The following STK36 variants were observed in gnomAD, a reference collection of about 807,000 sequenced individuals.
STK36 encodes the protein serine/threonine-protein kinase 36.
STK36 carries 116 observed loss-of-function variants against 142.2 expected under a neutral mutation model. The ratio of observed to expected loss-of-function variants is 0.82; its 90% confidence interval spans 0.70 to 0.95. The LOEUF (loss-of-function observed/expected upper bound fraction) is 0.95. Among genes scored for constraint, STK36 ranks in the 40% least tolerant of loss-of-function variants. The pLI, the probability that STK36 is intolerant of heterozygous loss-of-function variation, is 0.00. For synonymous variants in STK36, 619 were observed against 641.7 expected, an observed-to-expected ratio of 0.96 and a Z score of 0.53; for missense variants, 1,422 against 1,617.2, an observed-to-expected ratio of 0.88 and a Z score of 2.07.
intron 7 of STK36, 96 bp downstream of exon 7, chr2:218,679,357 G>A (rs1284021432): frequency 1.8e-5 from 25 of 1,362,050 alleles, no homozygotes; most frequent in Middle Eastern, 2.3e-4. Context: ...ATAACATGTC[G>A]TCTTTCCTCC....
chr2:218,697,050 T>C lies in STK36; in HGVS notation c.2598T>C (p.Ala866=), dbSNP rs1394508714. 7 of 1,614,024 alleles carry C rather than the reference T, an allele frequency of 4.3e-6. No individual in the cohort carries two copies. Among genetic ancestry groups the C allele is most frequent in the Middle Eastern group, 1.6e-4 (1 of 6,062 alleles). The part of the protein sequence containing the change: ...LLQLLTEQGK[A]SLIRDMSSSE... Reference sequence around the variant, plus strand: ...ACTTTTATCTCTAGCAGGGGAAGGCTAGCCTAATCAGGGATATGTCCAGTT... The same window carrying C: ...ACTTTTATCTCTAGCAGGGGAAGGCCAGCCTAATCAGGGATATGTCCAGTT... The change falls in exon 23 of 27, where the codon GCT becomes GCC. Residue 866 remains alanine (A), a synonymous_variant. Coordinates refer to ENST00000295709, the MANE Select transcript of STK36 (RefSeq NM_015690.5).
rs1575135780 is a variant in STK36 at position 218,690,395 on chromosome 2, C to T, written c.1659-55C>T. 5.5e-6 allele frequency: 8 copies of T among 1,455,440 alleles called. No individual in the cohort carries two copies. The East Asian group carries it at 1.8e-4, about 33-fold the overall frequency. 90.2% of individuals were successfully genotyped at this position (1,455,440 alleles called of 1,614,324 possible). On this transcript the variant is annotated intron_variant, in intron 13 of 26. Coordinates refer to ENST00000295709, the MANE Select transcript of STK36 (RefSeq NM_015690.5). ...CTGCCCAGGACTGACCCATTCACCA[C>T]ATCCAGGCTTTTAGTAGAGAGATAA...
chr2:218,694,042 CAA>C lies in STK36; in HGVS notation c.2336+61_2336+62del. The C allele has an allele frequency of 6.6e-7, 1 of 1,522,068 alleles. No individual in the cohort carries two copies. Among genetic ancestry groups the C allele is most frequent in the Non-Finnish European group, 9.1e-7 (1 of 1,096,670 alleles). The allele number at this position is 1,522,068 out of a possible 1,614,324, so 94.3% of individuals were successfully genotyped here. A position where few individuals can be genotyped will look rare whatever the true frequency, so the allele number is the denominator to read the frequency against. ...CTTCTAGCCACATAGCTAACCCTCA[CAA>C]AGAGTATGGGGAATGGTACCCTACA... On this transcript the variant is annotated intron_variant, in intron 19 of 26. Transcript: ENST00000295709. The surrounding 1 kb of genome is among the most constrained non-coding windows in gnomAD (Gnocchi z 4.4).
chr2:218,687,340 G>C lies in STK36; in HGVS notation c.1381-1357G>C, dbSNP rs149044939. On this transcript the variant is annotated intron_variant, in intron 11 of 26. Coordinates refer to ENST00000295709, the MANE Select transcript of STK36 (RefSeq NM_015690.5). ...TATAAGAAATCTTTTCCAAATGCAA[G>C]GTCTTAAAGATTTTCTCTTTTCCTA... 2.5e-3 allele frequency among the ~76,000 whole-genome samples: 385 copies of C among 152,270 alleles called. 2 individuals are homozygous for C. The highest frequency in any genetic ancestry group is 8.7e-3 in the African/African-American group (362 of 41,550).
chr2:218,692,394 T>C, intron 15 of STK36, 101 bp downstream of exon 15: 7 of 1,528,102 alleles, frequency 4.6e-6, no homozygotes, highest in Non-Finnish European at 6.2e-6. Flanking sequence ...TGGCATTTAG[T>C]AGGTGCTCAA....
chr2:218,675,867 A>G (rs1940218505), intron 5 of STK36, among the ~76,000 whole-genome samples, 162 bp from the exon 6 acceptor site: 2 of 152,036 alleles, frequency 1.3e-5, no homozygotes, highest in South Asian at 4.1e-4. Context: ...TTTGGGCCTC[A>G]TTTTAGAACC....
chr2:218,693,029 C>A (rs1941075397), intron 16 of STK36, among the ~76,000 whole-genome samples: 1 of 152,200 alleles, frequency 6.6e-6, no homozygotes, highest in Admixed American at 6.5e-5. Context: ...ATCCTTTCCT[C>A]TGTACCTGGC....
chr2:218,699,206 C>T lies in STK36; in HGVS notation c.3662C>T (p.Pro1221Leu), dbSNP rs1397792182. ...NVASALGNLG[P>L]EGLGEELLQC... ...GCATCAGCTCTGGGCAACTTGGGAC[C>T]TGAAGGTTTGGGAGAGGAGCTGTTA... is the stretch of plus-strand genomic sequence containing the variant. The change falls in exon 26 of 27, where the codon CCT (proline) becomes CTT (leucine). Residue 1221 changes from proline to leucine, a missense_variant. Coordinates refer to ENST00000295709, the MANE Select transcript of STK36 (RefSeq NM_015690.5). The T allele has an allele frequency of 3.7e-6, 6 of 1,614,006 alleles. No homozygotes were observed. Among genetic ancestry groups the T allele is most frequent in the Non-Finnish European group, 5.1e-6 (6 of 1,180,022 alleles).
chr2:218,680,752 G>A (rs774345550), intron 10 of STK36, 50 bp downstream of exon 10: 11 of 1,518,924 alleles, frequency 7.2e-6, no homozygotes, highest in Non-Finnish European at 9.0e-6. Flanking sequence ...GGGATGTTAA[G>A]TCTAGGTAGA....
Position 218,680,618 on chromosome 2 carries a change from C to T in STK36, c.1152C>T (p.Thr384=). The T allele has an allele frequency of 1.2e-6, 2 of 1,613,358 alleles. No individual in the cohort carries two copies. Among genetic ancestry groups the T allele is most frequent in the Non-Finnish European group, 1.7e-6 (2 of 1,179,806 alleles). The change falls in exon 10 of 27, where the codon ACC becomes ACT. Residue 384 remains threonine (T), a synonymous_variant. Transcript: ENST00000295709. The part of the protein sequence containing the change: ...VPSAPRENRT[T]PDCERAFPEE... ...CCTCCGGCAGGGAAAACCGGACCAC[C>T]CCAGATTGTGAACGAGCATTCCCAG...
chr2:218,699,493 T>A, intron 26 of STK36, 145 bp downstream of exon 26: 2 of 1,283,068 alleles, frequency 1.6e-6, no homozygotes, highest in Non-Finnish European at 2.1e-6. Flanking sequence ...TTGGAGTGAG[T>A]TTTCTAGTTA....
Position 218,699,260 on chromosome 2 carries a change from A to G in STK36, c.3716A>G (p.Glu1239Gly). ...TGCGAAGTACCCCAGCGGCTCCTAG[A>G]AATGGCATGTGGAGACCCCCAGCCA... is the stretch of plus-strand genomic sequence containing the variant. ...LQCEVPQRLLEMACGDPQPNV... is the reference protein window; with the variant it reads ...LQCEVPQRLLGMACGDPQPNV... Residue 1239 changes from glutamate (E) to glycine (G), a missense_variant, in exon 26 of 27, where the codon GAA (glutamate) becomes GGA (glycine). Around this residue, in one of 2 missense-constraint regions of STK36, gnomAD observed 962 missense variants for 1,167.5 expected, o/e 0.82. Coordinates refer to ENST00000295709, the MANE Select transcript of STK36 (RefSeq NM_015690.5). 6.2e-7 allele frequency: 1 copy of G among 1,614,090 alleles called. No individual in the cohort carries two copies. Among genetic ancestry groups the G allele is most frequent in the Non-Finnish European group, 8.5e-7 (1 of 1,180,026 alleles).
chr2:218,673,924 C>T lies in STK36; in HGVS notation c.271C>T (p.Leu91=). The T allele has an allele frequency of 6.2e-7, 1 of 1,614,084 alleles. No individual in the cohort carries two copies. The highest frequency in any genetic ancestry group is 1.7e-4 in the Middle Eastern group (1 of 6,058). The change falls in exon 4 of 27, where the codon CTA becomes TTA. Residue 91 remains leucine, a synonymous_variant. Coordinates refer to ENST00000295709, the MANE Select transcript of STK36 (RefSeq NM_015690.5). The part of the protein sequence containing the change: ...DYAEGELFQI[L]EDDGKLPEDQ... ...TGCTGAGGGAGAGCTCTTTCAGATC[C>T]TAGAAGATGACGGAAAACTTCCTGA...
intron 6 of STK36, among the ~76,000 whole-genome samples, chr2:218,678,691 A>G (rs1056688026): frequency 2.0e-5 from 3 of 152,016 alleles, no homozygotes; most frequent in Non-Finnish European, 4.4e-5. Flanking sequence ...GTTTTTGAGT[A>G]CTCCCAAACA....
chr2:218,686,895 G>T (rs1940801837), intron 11 of STK36, among the ~76,000 whole-genome samples: 1 of 152,012 alleles, frequency 6.6e-6, no homozygotes. Context: ...ATTATATGAG[G>T]GTCCTTGTTT....
chr2:218,702,060 A>G lies in STK36; in HGVS notation c.*51A>G. 6.2e-7 allele frequency: 1 copy of G among 1,604,848 alleles called. No individual in the cohort carries two copies. The highest frequency in any genetic ancestry group is 8.5e-7 in the Non-Finnish European group (1 of 1,175,412). Reference sequence around the variant, plus strand: ...CAACTTTGGTTGCCAGCTCTTTCTTATTCTACTACACAAGCCGCCAACTCA... The same window carrying G: ...CAACTTTGGTTGCCAGCTCTTTCTTGTTCTACTACACAAGCCGCCAACTCA... On this transcript the variant is annotated 3_prime_UTR_variant, in exon 27 of 27. Coordinates refer to ENST00000295709, the MANE Select transcript of STK36 (RefSeq NM_015690.5).
intron 5 of STK36, 39 bp from the exon 6 acceptor site, chr2:218,675,987 ATAT>A (rs1349519131): frequency 1.9e-6 from 3 of 1,607,922 alleles, no homozygotes; most frequent in Non-Finnish European, 2.6e-6. Context: ...CAGGTTTAGA[ATAT>A]CTTTTCCCTT....
At chr2:218,685,433 T>C (rs1175398391) in intron 11 of STK36, among the ~76,000 whole-genome samples, 2 of 152,184 alleles carry the variant, frequency 1.3e-5, no homozygotes, top group Non-Finnish European at 2.9e-5. Context: ...GAAAAATGCC[T>C]ACTAGAATAG....
chr2:218,672,103 C>A lies in STK36; in HGVS notation c.-202C>A. 5 of 1,101,556 alleles carry A rather than the reference C, an allele frequency of 4.5e-6. No individual in the cohort carries two copies. The East Asian group carries it at 1.0e-4, about 23-fold the overall frequency. The allele number at this position is 1,101,556 out of a possible 1,614,324, so 68.2% of individuals were successfully genotyped here. On this transcript the variant is annotated 5_prime_UTR_variant, in exon 1 of 27. In the 5' UTR this introduces an upstream ATG that the reference lacks. Transcript: ENST00000295709. ...GGGTCCTTAGCCGGGCCTGATGGCC[C>A]TGAGGCAGTTCGGATGTGTCCCAGG...
Sources: allele counts gnomAD v4.1 joint callset (sites outside exome capture counted in the v4.1 genomes callset), GRCh38; gene constraint gnomAD v4.1.1; regional missense constraint gnomAD v4.1.1; non-coding constraint Gnocchi (gnomAD v3.1); transcripts MANE v1.5; gene names NCBI Gene and HGNC (gene_info 2026-07-23, HGNC 2026-07-21).